Variants in EPB41L2 observed in about 807,000 individuals in gnomAD.
EPB41L2 encodes erythrocyte membrane protein band 4.1 like 2, also known as band 4.1-like protein 2.
In EPB41L2, 43 loss-of-function variants were observed where a neutral mutation model predicts 113.0. The observed-to-expected ratio is 0.38, with a 90% CI of 0.30 to 0.49. The LOEUF (loss-of-function observed/expected upper bound fraction) is 0.49, where lower values mean the gene tolerates loss of function less well. Ranked by LOEUF, EPB41L2 falls within the 20% of genes least tolerant of loss-of-function variation. The pLI is 0.95. For synonymous variants in EPB41L2, 442 were observed against 436.7 expected (o/e 1.01, Z -0.15); for missense variants, 1,147 against 1,223.4 (o/e 0.94, Z 0.93).
intron 15 of EPB41L2, 124 bp from the exon 16 acceptor site, chr6:130,867,705 G>T (rs765517164): frequency 4.6e-6 from 6 of 1,293,752 alleles, no homozygotes; most frequent in Non-Finnish European, 6.5e-6. Context: ...AAAGAAAAGA[G>T]TAAAAGCAAA....
intron 3 of EPB41L2, among the ~76,000 whole-genome samples, chr6:130,945,662 C>T (rs2128597051): frequency 6.6e-6 from 1 of 152,254 alleles, no homozygotes; most frequent in East Asian, 1.9e-4. Flanking sequence ...GTAAAACCAG[C>T]TCAATTCTAG....
chr6:130,841,491 C>G (rs766785204), intron 19 of EPB41L2, among the ~76,000 whole-genome samples: 1 of 152,060 alleles, frequency 6.6e-6, no homozygotes, highest in African/African-American at 2.4e-5. Context: ...AAGCTGAAGC[C>G]GGCAAGGAGT....
intron 11 of EPB41L2, among the ~76,000 whole-genome samples, chr6:130,885,968 GA>G (rs1217363906): frequency 1.3e-5 from 2 of 152,052 alleles, no homozygotes; most frequent in Admixed American, 6.5e-5. Context: ...ACATTGTATT[GA>G]AAATTCTGTC....
intron 1 of EPB41L2, among the ~76,000 whole-genome samples, chr6:131,043,490 T>G (rs1189233568): frequency 6.6e-6 from 1 of 152,018 alleles, no homozygotes; most frequent in Non-Finnish European, 1.5e-5. Flanking sequence ...AGGCACAGGT[T>G]AAACTACATA....
chr6:130,946,327 C>T (rs1812787772), intron 3 of EPB41L2, among the ~76,000 whole-genome samples: 2 of 152,022 alleles, frequency 1.3e-5, no homozygotes, highest in Admixed American at 1.3e-4. Context: ...TTTAACTTAA[C>T]TATAATCATC....
chr6:130,901,180 T>C lies in EPB41L2; in HGVS notation c.930A>G (p.Arg310=). The C allele has an allele frequency of 6.2e-7, 1 of 1,612,946 alleles. No individual in the cohort carries two copies. The highest frequency in any genetic ancestry group is 8.5e-7 in the Non-Finnish European group (1 of 1,179,850). ...DPSQLTEDIT[R]YFLCLQLRQD... is the part of the protein sequence containing the mutation. ...GCCGGAGCTGAAGGCACAAGAAGTA[T>C]CTGTGAGGAGCAGAGGGAGAAATGG... The change falls in exon 7 of 20, where the codon AGA becomes AGG. Residue 310 remains arginine (R), a splice_region_variant and synonymous_variant. Transcript: ENST00000337057.
intron 3 of EPB41L2, among the ~76,000 whole-genome samples, chr6:130,929,714 A>G (rs1488148317): frequency 6.6e-6 from 1 of 152,168 alleles, no homozygotes; most frequent in East Asian, 1.9e-4. Context: ...ACCTGGCCCA[A>G]TTGGCTCAAA....
chr6:130,945,909 G>C, intron 3 of EPB41L2, among the ~76,000 whole-genome samples: 1 of 152,050 alleles, frequency 6.6e-6, no homozygotes, highest in Non-Finnish European at 1.5e-5. Flanking sequence ...AAGAGTGCTA[G>C]AGTCAAGTCC....
intron 11 of EPB41L2, among the ~76,000 whole-genome samples, chr6:130,889,849 T>C (rs1447515015): frequency 6.6e-6 from 1 of 152,192 alleles, no homozygotes; most frequent in Non-Finnish European, 1.5e-5. Context: ...ATCCCTTATC[T>C]GAAATGTTAG....
chr6:130,937,326 T>C (rs563512960), intron 3 of EPB41L2, among the ~76,000 whole-genome samples: 6 of 152,296 alleles, frequency 3.9e-5, no homozygotes, highest in African/African-American at 9.6e-5. Flanking sequence ...AGCTTAACCA[T>C]GAGGCAGTCA....
At chr6:131,029,391 T>TAAAAAAA (rs757528439) in intron 1 of EPB41L2, among the ~76,000 whole-genome samples, 2 of 119,468 alleles carry the variant, frequency 1.7e-5, no homozygotes, top group African/African-American at 3.3e-5. Flanking sequence ...AGCATTTGTT[T>TAAAAAAA]AAAAAAAAAA....
At chr6:130,850,591 G>T (rs1222962745) in intron 19 of EPB41L2, among the ~76,000 whole-genome samples, 1 of 152,132 alleles carries the variant, frequency 6.6e-6, no homozygotes. Flanking sequence ...ATATTTATAA[G>T]TACACACATA....
chr6:130,969,866 T>G (rs1323686248), intron 1 of EPB41L2, among the ~76,000 whole-genome samples: 1 of 152,102 alleles, frequency 6.6e-6, no homozygotes, highest in Non-Finnish European at 1.5e-5. Context: ...CAGTATTATG[T>G]CATACCACTG....
intron 1 of EPB41L2, among the ~76,000 whole-genome samples, chr6:131,016,069 T>C (rs1788120055): frequency 6.6e-6 from 1 of 152,224 alleles, no homozygotes. Context: ...AAGGGCAATG[T>C]TCTGTGTAGC....
chr6:130,979,356 A>G, intron 1 of EPB41L2, among the ~76,000 whole-genome samples: 1 of 150,948 alleles, frequency 6.6e-6, no homozygotes, highest in Admixed American at 6.7e-5. Context: ...AAATACAAAA[A>G]AAGTGGCACA....
At chr6:131,056,868 A>T (rs1331412828) in intron 1 of EPB41L2, among the ~76,000 whole-genome samples, 1 of 152,208 alleles carries the variant, frequency 6.6e-6, no homozygotes, top group Non-Finnish European at 1.5e-5. Flanking sequence ...TATTCCATCA[A>T]AGAAATTTGT....
chr6:131,004,903 A>G (rs1323360990), intron 1 of EPB41L2, among the ~76,000 whole-genome samples: 1 of 152,222 alleles, frequency 6.6e-6, no homozygotes, highest in Non-Finnish European at 1.5e-5. Flanking sequence ...AACAGGAACT[A>G]GACTCTTCAC....
chr6:130,941,113 TTAAA>T (rs1321999703), intron 3 of EPB41L2, among the ~76,000 whole-genome samples: 1 of 152,202 alleles, frequency 6.6e-6, no homozygotes, highest in Admixed American at 6.5e-5. Context: ...TAGGATATAT[TTAAA>T]TAAATACTAT....
Position 130,861,733 on chromosome 6 carries a change from G to A in EPB41L2, c.2910+1905C>T, listed in dbSNP as rs140058454. Among the ~76,000 whole-genome samples the A allele has an allele frequency of 3.3e-3, 500 of 152,084 alleles. 6 individuals carry two copies. The East Asian group carries it at 0.038, about 12-fold the overall frequency. On this transcript the variant is annotated intron_variant, in intron 18 of 19. Transcript: ENST00000337057. ...CTAAAAACACAAAAACTAGCCGGGC[G>A]TGGTGGCGGGTGCCTATAATCCCAG...
Sources: allele counts gnomAD v4.1 joint callset (sites outside exome capture counted in the v4.1 genomes callset), GRCh38; gene constraint gnomAD v4.1.1; transcripts MANE v1.5; gene names NCBI Gene and HGNC (gene_info 2026-07-23, HGNC 2026-07-21).